DLGAP2: variants seen among roughly 807,000 people sequenced by gnomAD.
The protein encoded by DLGAP2 is disks large-associated protein 2.
DLGAP2 carries 26 observed loss-of-function variants against 100.3 expected under a neutral mutation model. The observed-to-expected ratio is 0.26, with a 90% CI of 0.19 to 0.36. The LOEUF (loss-of-function observed/expected upper bound fraction) is 0.36, where lower values mean the gene tolerates loss of function less well. Among genes scored for constraint, DLGAP2 ranks in the 10% least tolerant of loss-of-function variants. The pLI, the probability that DLGAP2 is intolerant of heterozygous loss-of-function variation, is 1.00. For synonymous variants in DLGAP2, 886 were observed against 630.1 expected, an observed-to-expected ratio of 1.41 and a Z score of -6.08; for missense variants, 1,858 against 1,453.2, an observed-to-expected ratio of 1.28 and a Z score of -4.53.
At chr8:1,234,991 G>A (rs1447013374) in intron 2 of DLGAP2, among the ~76,000 whole-genome samples, 5 of 9,022 alleles carry the variant, frequency 5.5e-4, no homozygotes, top group African/African-American at 8.4e-4. Context: ...GCATAGCATC[G>A]TGTCTAGTTC....
intron 2 of DLGAP2, among the ~76,000 whole-genome samples, chr8:947,927 G>T (rs116619457): frequency 0.014 from 2,004 of 143,054 alleles, 56 homozygotes; most frequent in African/African-American, 0.049. Context: ...CAACCCGCGT[G>T]TGCCATGGGT....
At chr8:1,417,844 C>G (rs1212256156) in intron 3 of DLGAP2, among the ~76,000 whole-genome samples, 1 of 152,204 alleles carries the variant, frequency 6.6e-6, no homozygotes, top group African/African-American at 2.4e-5. Flanking sequence ...ATTATTACCT[C>G]ATCTTTATTG....
intron 3 of DLGAP2, chr8:1,300,279 A>C (rs1563069744): frequency 1.3e-5 from 2 of 152,138 alleles, no homozygotes; most frequent in African/African-American, 2.4e-5. Context: ...ATACACATAC[A>C]CGTGGGCTGG....
intron 3 of DLGAP2, among the ~76,000 whole-genome samples, chr8:1,349,601 T>G (rs1441401109): frequency 8.2e-6 from 1 of 122,578 alleles, no homozygotes. Context: ...ATGAGCCTCC[T>G]GCCCACATCC....
At chr8:1,316,598 G>C (rs371122801) in intron 3 of DLGAP2, among the ~76,000 whole-genome samples, 5 of 134,248 alleles carry the variant, frequency 3.7e-5, no homozygotes, top group African/African-American at 1.1e-4. Context: ...CGAGACACTC[G>C]GCAGCGTTTA....
chr8:1,627,681 T>G (rs1346391235), intron 7 of DLGAP2, among the ~76,000 whole-genome samples: 3 of 152,266 alleles, frequency 2.0e-5, no homozygotes, highest in Admixed American at 1.3e-4. Flanking sequence ...GAGTAGGGAT[T>G]AAGAGCCTGA....
chr8:759,269 C>CAGCCTTCCCATTATCAATACCCCTG (rs1821013107), intron 1 of DLGAP2, among the ~76,000 whole-genome samples: 2 of 131,656 alleles, frequency 1.5e-5, no homozygotes, highest in African/African-American at 3.3e-5. Flanking sequence ...CAATACCCCC[C>CAGCCTTCCCATTATCAATACCCCTG]ACAGCCTCCC....
intron 2 of DLGAP2, among the ~76,000 whole-genome samples, chr8:1,250,159 G>A (rs1333771519): frequency 2.6e-5 from 4 of 152,160 alleles, no homozygotes; most frequent in Admixed American, 6.5e-5. Context: ...GATTACAGGC[G>A]TGAGCCACCA....
chr8:1,482,037 G>A (rs954762736), intron 3 of DLGAP2, among the ~76,000 whole-genome samples: 8 of 152,234 alleles, frequency 5.3e-5, no homozygotes, highest in African/African-American at 1.9e-4. Context: ...GAAAGTTGGT[G>A]ATGTCTTCAC....
intron 2 of DLGAP2, among the ~76,000 whole-genome samples, chr8:1,037,750 G>T (rs973878104): frequency 2.0e-5 from 3 of 152,308 alleles, no homozygotes; most frequent in African/African-American, 7.2e-5. Context: ...GCTTTGGGCC[G>T]TTAAAATATC....
intron 1 of DLGAP2, among the ~76,000 whole-genome samples, chr8:805,472 T>G (rs1319302225): frequency 6.6e-6 from 1 of 152,140 alleles, no homozygotes; most frequent in Non-Finnish European, 1.5e-5. Flanking sequence ...AGATCTTCCC[T>G]GAAAATAAAG....
At chr8:1,350,095 T>C (rs1362717382) in intron 3 of DLGAP2, among the ~76,000 whole-genome samples, 1 of 152,238 alleles carries the variant, frequency 6.6e-6, no homozygotes, top group Non-Finnish European at 1.5e-5. Flanking sequence ...CAATAATTTA[T>C]TCATATTTGT....
intron 3 of DLGAP2, among the ~76,000 whole-genome samples, chr8:1,310,930 A>T (rs1234517626): frequency 5.3e-5 from 8 of 152,240 alleles, no homozygotes; most frequent in Admixed American, 3.9e-4. Context: ...AGACAGAATT[A>T]ACACAGAGTA....
At chr8:800,987 G>A (rs7822572) in intron 1 of DLGAP2, among the ~76,000 whole-genome samples, 21,327 of 151,500 alleles carry the variant, frequency 0.14, 1,602 homozygotes, top group Middle Eastern at 0.19. Context: ...ACCTGCCACC[G>A]TCCACAGCCT....
chr8:1,410,756 G>C (rs932380328), intron 3 of DLGAP2, among the ~76,000 whole-genome samples: 1 of 151,938 alleles, frequency 6.6e-6, no homozygotes, highest in Non-Finnish European at 1.5e-5. Flanking sequence ...TTTGGAACCT[G>C]GTTTTCTTGT....
chr8:1,667,567 C>T (rs1432220179), intron 8 of DLGAP2, among the ~76,000 whole-genome samples: 1 of 152,222 alleles, frequency 6.6e-6, no homozygotes, highest in Non-Finnish European at 1.5e-5. Context: ...GTTACAGAAA[C>T]AGTAGCTATT....
chr8:1,217,108 G>C (rs28522830), intron 2 of DLGAP2, among the ~76,000 whole-genome samples: 63,252 of 151,908 alleles, frequency 0.42, 14,005 homozygotes, highest in East Asian at 0.72. Context: ...TCTCCCTCCT[G>C]CCACCCTTCA....
intron 2 of DLGAP2, among the ~76,000 whole-genome samples, chr8:1,114,885 T>C (rs1805067219): frequency 6.6e-6 from 1 of 152,228 alleles, no homozygotes; most frequent in South Asian, 2.1e-4. Context: ...GAGATTCTGG[T>C]ATGTTCTTTC....
chr8:1,237,486 C>G (rs1438094572), intron 2 of DLGAP2, among the ~76,000 whole-genome samples: 137 of 147,138 alleles, frequency 9.3e-4, no homozygotes, highest in African/African-American at 3.4e-3. Flanking sequence ...GTCTAGTTCT[C>G]TCTCACACAT....
Sources: allele counts gnomAD v4.1 joint callset (sites outside exome capture counted in the v4.1 genomes callset), GRCh38; gene constraint gnomAD v4.1.1; transcripts MANE v1.5; gene names NCBI Gene and HGNC (gene_info 2026-07-23, HGNC 2026-07-21).